Variants in XDH observed in about 807,000 individuals in gnomAD.
The protein encoded by XDH is xanthine dehydrogenase, also known as xanthine dehydrogenase/oxidase.
In XDH, 138 loss-of-function variants were observed where a neutral mutation model predicts 156.1. The ratio of observed to expected loss-of-function variants is 0.88; its 90% CI spans 0.77 to 1.02. The LOEUF (loss-of-function observed/expected upper bound fraction) is 1.02. Ranked by LOEUF, XDH falls within the 50% of genes least tolerant of loss-of-function variation. The probability of loss-of-function intolerance (pLI) is 0.00; values close to 1 mark genes in which losing one functional copy is unlikely to be tolerated. For synonymous variants in XDH, 669 were observed against 625.7 expected, an observed-to-expected ratio of 1.07 and a Z score of -1.03; for missense variants, 1,849 against 1,684.9, an observed-to-expected ratio of 1.10 and a Z score of -1.71.
Position 31,368,653 on chromosome 2 carries a change from C to T in XDH, c.1988G>A (p.Cys663Tyr), listed in dbSNP as rs773236306. ...ETVFAKDKVTCVGHIIGAVVA... is the reference protein window; with the variant it reads ...ETVFAKDKVTYVGHIIGAVVA... Reference sequence around the variant, plus strand: ...CACAGCACCAATGATATGCCCAACACAAGTAACCTAGTAGCAGAGACAGAC... The same window carrying T: ...CACAGCACCAATGATATGCCCAACATAAGTAACCTAGTAGCAGAGACAGAC... Residue 663 changes from cysteine (C) to tyrosine (Y), a missense_variant, in exon 19 of 36, where the codon TGT (cysteine) becomes TAT (tyrosine). Coordinates refer to ENST00000379416, the MANE Select transcript of XDH (RefSeq NM_000379.4). 10 of 1,614,208 alleles carry T rather than the reference C, an allele frequency of 6.2e-6. No homozygotes were observed. The highest frequency in any genetic ancestry group is 3.3e-4 in the Middle Eastern group (2 of 6,062).
chr2:31,395,184 G>A (rs954418585), intron 6 of XDH, among the ~76,000 whole-genome samples: 1 of 152,146 alleles, frequency 6.6e-6, no homozygotes, highest in South Asian at 2.1e-4. Flanking sequence ...TGAAGGAGAA[G>A]TATCCTATAG....
Position 31,377,142 on chromosome 2 carries a change from G to A in XDH, c.1338C>T (p.Thr446=). ...SGMRVLFKPG[T]TEVQELALCY... is the part of the protein sequence containing the mutation. ...AAAGGGCCAGCTCCTGTACCTCTGT[G>A]GTTCCTGGCTTGAATAAAACTCTCA... is the stretch of plus-strand genomic sequence containing the variant. Residue 446 remains threonine, a synonymous_variant, in exon 14 of 36, where the codon ACC becomes ACT. Coordinates refer to ENST00000379416, the MANE Select transcript of XDH (RefSeq NM_000379.4). The A allele has an allele frequency of 6.2e-7, 1 of 1,614,168 alleles. No individual in the cohort carries two copies. Among genetic ancestry groups the A allele is most frequent in the Non-Finnish European group, 8.5e-7 (1 of 1,180,026 alleles).
At chr2:31,370,115 G>T (rs1214794047) in intron 18 of XDH, among the ~76,000 whole-genome samples, 5 of 152,212 alleles carry the variant, frequency 3.3e-5, no homozygotes, top group African/African-American at 1.2e-4. Flanking sequence ...AATCACCAGT[G>T]TTGTTTTACT....
chr2:31,379,887 C>G lies in XDH; in HGVS notation c.1222G>C (p.Glu408Gln). 1.2e-6 allele frequency: 2 copies of G among 1,614,198 alleles called. No homozygotes were observed. The highest frequency in any genetic ancestry group is 1.7e-6 in the Non-Finnish European group (2 of 1,180,028). ...LSPEEILLSI[E>Q]IPYSREGEYF... ...CTCACCTCCCTGCTGTAGGGGATCTCTATGGAGAGCAGTATCTCCTCCGGG... is the reference window on the plus strand; with the variant it reads ...CTCACCTCCCTGCTGTAGGGGATCTGTATGGAGAGCAGTATCTCCTCCGGG... Residue 408 changes from glutamate to glutamine, a missense_variant, in exon 13 of 36, where the codon GAG becomes CAG. Transcript: ENST00000379416.
chr2:31,373,248 G>A (rs1221338890), intron 16 of XDH, among the ~76,000 whole-genome samples: 1 of 152,204 alleles, frequency 6.6e-6, no homozygotes, highest in African/African-American at 2.4e-5. Context: ...CAGGCAGTCA[G>A]GTTCCAGAGT....
At chr2:31,381,545 G>A in intron 12 of XDH, 88 bp downstream of exon 12, 2 of 1,349,988 alleles carry the variant, frequency 1.5e-6, no homozygotes, top group African/African-American at 1.4e-5. Context: ...ACTGAACTTT[G>A]AGCTCTGTTT....
chr2:31,406,934 G>C (rs1369350513), intron 1 of XDH, among the ~76,000 whole-genome samples: 1 of 152,148 alleles, frequency 6.6e-6, no homozygotes, highest in Admixed American at 6.5e-5. Context: ...GGTTCAATAA[G>C]GTGGAAAAAG....
At chr2:31,402,353 A>G (rs954284761) in intron 3 of XDH, among the ~76,000 whole-genome samples, 1 of 152,126 alleles carries the variant, frequency 6.6e-6, no homozygotes, top group Non-Finnish European at 1.5e-5. Context: ...GGAGCTCCTG[A>G]ACTGCTTCTA....
chr2:31,385,938 A>G (rs989410547), intron 9 of XDH, among the ~76,000 whole-genome samples: 1 of 152,184 alleles, frequency 6.6e-6, no homozygotes, highest in Non-Finnish European at 1.5e-5. Context: ...CACTTTGCTT[A>G]AATTAGTTCC....
At chr2:31,383,617 C>T in intron 10 of XDH, 138 bp downstream of exon 10, 1 of 824,028 alleles carries the variant, frequency 1.2e-6, no homozygotes, top group Non-Finnish European at 2.0e-6. Context: ...CCCGCCTTTC[C>T]CTGTGCAAGG....
At chr2:31,336,654 C>T (rs1684976693) in intron 35 of XDH, among the ~76,000 whole-genome samples, 1 of 150,836 alleles carries the variant, frequency 6.6e-6, no homozygotes, top group African/African-American at 2.4e-5. Context: ...TCTTGGTAGA[C>T]CCAAGGAAGA....
chr2:31,381,017 A>G (rs1686422782), intron 12 of XDH, among the ~76,000 whole-genome samples: 1 of 151,894 alleles, frequency 6.6e-6, no homozygotes, highest in Admixed American at 6.6e-5. Context: ...ATTTTTTGAG[A>G]CAGGGTCTCA....
chr2:31,342,514 A>G (rs1160536492), intron 31 of XDH, among the ~76,000 whole-genome samples: 3 of 152,190 alleles, frequency 2.0e-5, no homozygotes, highest in East Asian at 3.8e-4. Context: ...TTTTGCCAGT[A>G]GCCCTTCTGT....
At chr2:31,385,528 G>A (rs1268704004) in intron 9 of XDH, among the ~76,000 whole-genome samples, 1 of 152,188 alleles carries the variant, frequency 6.6e-6, no homozygotes, top group African/African-American at 2.4e-5. Flanking sequence ...TGCTTAGAAG[G>A]AGAGCATGCC....
At position 31,414,704 on chromosome 2, in the gene XDH, C is replaced by A; in HGVS notation, c.-38G>T. 6.2e-7 allele frequency: 1 copy of A among 1,613,696 alleles called. No individual in the cohort carries two copies. Among genetic ancestry groups the A allele is most frequent in the Non-Finnish European group, 8.5e-7 (1 of 1,179,608 alleles). ...GGGTCCCCGAACTCCAGGTACCTCA[C>A]TCCTAAGAGACACTGGCAGGTAGTT... On this transcript the variant is annotated 5_prime_UTR_variant, in exon 1 of 36. Transcript: ENST00000379416.
chr2:31,335,493 A>T lies in XDH; in HGVS notation c.*465T>A. 4.4e-6 allele frequency: 1 copy of T among 226,408 alleles called. No individual in the cohort carries two copies. Among genetic ancestry groups the T allele is most frequent in the Non-Finnish European group, 8.9e-6 (1 of 112,924 alleles). The allele number at this position is 226,408 out of a possible 1,614,324, so 14.0% of individuals were successfully genotyped here. A position where few individuals can be genotyped will look rare whatever the true frequency, so the allele number is the denominator to read the frequency against. Reference sequence around the variant, plus strand: ...GCCTCATTGCAAAATTTGAGTATAGATTCAAGGTTATGCTTTGCTGTTCAT... The same window carrying T: ...GCCTCATTGCAAAATTTGAGTATAGTTTCAAGGTTATGCTTTGCTGTTCAT... On this transcript the variant is annotated 3_prime_UTR_variant, in exon 36 of 36. Coordinates refer to ENST00000379416, the MANE Select transcript of XDH (RefSeq NM_000379.4).
chr2:31,362,011 C>G (rs1272458200), intron 24 of XDH, among the ~76,000 whole-genome samples: 3 of 151,856 alleles, frequency 2.0e-5, no homozygotes. Flanking sequence ...ATTTTAAACT[C>G]CTTAAATTTA....
At chr2:31,381,883 C>T (rs763755602) in intron 11 of XDH, among the ~76,000 whole-genome samples, 157 bp from the exon 12 acceptor site, 9 of 152,170 alleles carry the variant, frequency 5.9e-5, no homozygotes, top group African/African-American at 1.7e-4. Flanking sequence ...GTGAGAACTT[C>T]GGCATTCTGA....
rs1685969526 is a variant in XDH at position 31,368,044 on chromosome 2, T to C, written c.2114A>G (p.Asn705Ser). ...AIITIEDAIK[N>S]NSFYGPELKI... ...CAGCTCAGGTCCATAAAAGGAGTTG[T>C]TCTTTATAGCATCCTGAGGATCACA... is the stretch of plus-strand genomic sequence containing the variant. Residue 705 changes from asparagine (N) to serine (S), a missense_variant, in exon 20 of 36, where the codon AAC (asparagine) becomes AGC (serine). By Grantham distance (46) the Asn-to-Ser change is conservative. Coordinates refer to ENST00000379416, the MANE Select transcript of XDH (RefSeq NM_000379.4). The C allele has an allele frequency of 4.3e-6, 7 of 1,614,150 alleles. No homozygotes were observed. The highest frequency in any genetic ancestry group is 1.3e-5 in the African/African-American group (1 of 75,058).
Sources: allele counts gnomAD v4.1 joint callset (sites outside exome capture counted in the v4.1 genomes callset), GRCh38; gene constraint gnomAD v4.1.1; transcripts MANE v1.5; gene names NCBI Gene and HGNC (gene_info 2026-07-23, HGNC 2026-07-21).